NDST4: variants seen among roughly 807,000 people sequenced by gnomAD.
NDST4 encodes the protein N-heparan sulfate sulfotransferase 4.
Under a neutral mutation model 100.8 loss-of-function variants are expected in NDST4, and 63 were observed. The ratio of observed to expected loss-of-function variants is 0.62; its 90% CI spans 0.51 to 0.77. The LOEUF (loss-of-function observed/expected upper bound fraction) is 0.77, where lower values mean the gene tolerates loss of function less well. Among genes scored for constraint, NDST4 ranks in the 30% least tolerant of loss-of-function variants. NDST4 has a pLI of 0.00. For synonymous variants in NDST4, 377 were observed against 361.8 expected, an observed-to-expected ratio of 1.04 and a Z score of -0.48; for missense variants, 943 against 1,018.4, an observed-to-expected ratio of 0.93 and a Z score of 1.01.
Position 115,021,609 on chromosome 4 carries a change from C to T in NDST4, c.979-44335G>A, listed in dbSNP as rs563601958. Among the ~76,000 whole-genome samples, 3 of 124,462 alleles carry T rather than the reference C, an allele frequency of 2.4e-5. No individual in the cohort carries two copies. The East Asian group carries it at 7.3e-4, about 30-fold the overall frequency. 81.7% of individuals were successfully genotyped at this position (124,462 alleles called of 152,430 possible). On this transcript the variant is annotated intron_variant, in intron 2 of 13. Coordinates refer to ENST00000264363, the MANE Select transcript of NDST4 (RefSeq NM_022569.3). ...CATATATACACACGTTCCACATATA[C>T]ACATTCCATATATACACACGTTCCA...
At chr4:114,896,615 T>C (rs1724718911) in intron 6 of NDST4, among the ~76,000 whole-genome samples, 1 of 134,196 alleles carries the variant, frequency 7.5e-6, no homozygotes, top group African/African-American at 3.1e-5. Flanking sequence ...AGAGTGAGAC[T>C]CCGTCTCAAA....
chr4:115,077,614 A>T (rs770133844), intron 1 of NDST4, among the ~76,000 whole-genome samples: 1 of 152,230 alleles, frequency 6.6e-6, no homozygotes, highest in African/African-American at 2.4e-5. Flanking sequence ...GTCAGTTACC[A>T]TAAAACTATT....
chr4:115,042,731 C>G (rs571839545), intron 2 of NDST4, among the ~76,000 whole-genome samples: 6 of 152,152 alleles, frequency 3.9e-5, no homozygotes, highest in Admixed American at 6.6e-5. Flanking sequence ...CTACTGCACT[C>G]ATTATATACT....
chr4:115,038,651 A>G (rs1192658863), intron 2 of NDST4, among the ~76,000 whole-genome samples: 1 of 152,180 alleles, frequency 6.6e-6, no homozygotes, highest in East Asian at 1.9e-4. Flanking sequence ...TATTTTTAAC[A>G]TGTGTTTTTC....
intron 1 of NDST4, among the ~76,000 whole-genome samples, chr4:115,082,375 T>C (rs574763103): frequency 6.6e-6 from 1 of 152,262 alleles, no homozygotes; most frequent in Non-Finnish European, 1.5e-5. Context: ...TTTCTAGTAA[T>C]CTCTGGTAGC....
chr4:115,085,114 A>T (rs1369709288), intron 1 of NDST4, among the ~76,000 whole-genome samples: 1 of 152,214 alleles, frequency 6.6e-6, no homozygotes, highest in Non-Finnish European at 1.5e-5. Flanking sequence ...CATGTGAGAC[A>T]TGGAGTCAAA....
At chr4:115,069,186 C>T (rs482683) in intron 2 of NDST4, among the ~76,000 whole-genome samples, 36,845 of 151,806 alleles carry the variant, frequency 0.24, 6,010 homozygotes, top group East Asian at 0.46. Flanking sequence ...GGCATAGAAG[C>T]TAAGAAAAAT....
At chr4:114,896,459 T>TA (rs201023419) in intron 6 of NDST4, among the ~76,000 whole-genome samples, 2,193 of 151,774 alleles carry the variant, frequency 0.014, 48 homozygotes, top group African/African-American at 0.05. Flanking sequence ...CCGTCTCTAC[T>TA]AAAAAATGCA....
chr4:115,084,530 G>A (rs1016927560), intron 1 of NDST4, among the ~76,000 whole-genome samples: 2 of 152,242 alleles, frequency 1.3e-5, no homozygotes, highest in South Asian at 4.1e-4. Flanking sequence ...TGGAGGCCTA[G>A]GAGGAAAAAA....
chr4:114,874,099 T>TA (rs527251125), intron 6 of NDST4, among the ~76,000 whole-genome samples: 5 of 152,104 alleles, frequency 3.3e-5, no homozygotes, highest in Non-Finnish European at 5.9e-5. Flanking sequence ...CAGATATTAT[T>TA]GAAAAAAAAG....
At chr4:115,002,296 T>C (rs1230838203) in intron 2 of NDST4, among the ~76,000 whole-genome samples, 2 of 152,218 alleles carry the variant, frequency 1.3e-5, no homozygotes, top group African/African-American at 4.8e-5. Flanking sequence ...CATCAATGTC[T>C]TCTTTTGAGA....
At chr4:114,888,455 A>C (rs538441296) in intron 6 of NDST4, among the ~76,000 whole-genome samples, 1 of 152,100 alleles carries the variant, frequency 6.6e-6, no homozygotes, top group African/African-American at 2.4e-5. Context: ...GAAGTTTAAA[A>C]ATGTCAATTC....
intron 7 of NDST4, among the ~76,000 whole-genome samples, chr4:114,853,402 C>G (rs534404536): frequency 2.0e-5 from 3 of 152,058 alleles, no homozygotes; most frequent in African/African-American, 7.2e-5. Context: ...TGTATAGATA[C>G]GGTGAGGAAA....
intron 2 of NDST4, among the ~76,000 whole-genome samples, chr4:115,066,964 A>C (rs967810406): frequency 2.6e-5 from 4 of 152,184 alleles, no homozygotes; most frequent in African/African-American, 9.6e-5. Flanking sequence ...GGAGTAAGCC[A>C]CTGCTGTCTA....
At chr4:115,061,236 C>T (rs914193708) in intron 2 of NDST4, among the ~76,000 whole-genome samples, 2 of 152,004 alleles carry the variant, frequency 1.3e-5, no homozygotes, top group African/African-American at 4.8e-5. Flanking sequence ...GGATCTAGAA[C>T]CAGAAATACC....
intron 2 of NDST4, among the ~76,000 whole-genome samples, chr4:115,065,982 G>A (rs866518041): frequency 3.3e-5 from 5 of 152,190 alleles, no homozygotes; most frequent in African/African-American, 7.2e-5. Flanking sequence ...TCCAGTGATC[G>A]CAGAAGACTC....
intron 2 of NDST4, among the ~76,000 whole-genome samples, chr4:115,060,998 A>G (rs185412237): frequency 6.6e-6 from 1 of 152,230 alleles, no homozygotes; most frequent in African/African-American, 2.4e-5. Context: ...CTCAACAAAA[A>G]GTGGGTGATG....
chr4:114,875,408 T>A (rs1724235366), intron 6 of NDST4, among the ~76,000 whole-genome samples: 1 of 152,178 alleles, frequency 6.6e-6, no homozygotes, highest in Admixed American at 6.5e-5. Flanking sequence ...TCAGATACAA[T>A]ACATATACTC....
chr4:115,068,537 G>A (rs576229309), intron 2 of NDST4, among the ~76,000 whole-genome samples: 1 of 151,844 alleles, frequency 6.6e-6, no homozygotes, highest in African/African-American at 2.4e-5. Context: ...GGCTGGGTGC[G>A]GTGGCTCATG....
Sources: allele counts gnomAD v4.1 joint callset (sites outside exome capture counted in the v4.1 genomes callset), GRCh38; gene constraint gnomAD v4.1.1; transcripts MANE v1.5; gene names NCBI Gene and HGNC (gene_info 2026-07-23, HGNC 2026-07-21).